REDIC1: variants seen among roughly 807,000 people sequenced by gnomAD.
REDIC1 encodes the protein HEI10 Interacting Protein 1.
chr12:39,712,997 GTATATGTA>G, the REDIC1 span, among the ~76,000 whole-genome samples: 4 of 139,324 alleles, frequency 2.9e-5, no homozygotes, highest in African/African-American at 8.2e-5. Context: ...GTATATACGT[GTATATGTA>G]TATATACATG....
chr12:39,764,184 C>G, the REDIC1 span, among the ~76,000 whole-genome samples: 7 of 151,942 alleles, frequency 4.6e-5, no homozygotes, highest in Admixed American at 2.6e-4. Flanking sequence ...AGACTTCCAC[C>G]TGGGGAGATA....
chr12:39,837,165 G>A, the REDIC1 span, among the ~76,000 whole-genome samples: 157 of 134,400 alleles, frequency 1.2e-3, 2 homozygotes, highest in African/African-American at 4.3e-3. Context: ...GAACAGAACA[G>A]AGCCCTCAGA....
At chr12:39,895,873 CAT>C in the REDIC1 span, among the ~76,000 whole-genome samples, 1 of 69,926 alleles carries the variant, frequency 1.4e-5, no homozygotes, top group East Asian at 1.5e-3. Flanking sequence ...TATGCACACA[CAT>C]ATGTATATGC....
chr12:39,750,593 C>G, the REDIC1 span, among the ~76,000 whole-genome samples: 2 of 152,108 alleles, frequency 1.3e-5, no homozygotes, highest in African/African-American at 4.8e-5. Flanking sequence ...AAAAAGAGCC[C>G]GCATTGCCAA....
chr12:39,850,181 T>C, the REDIC1 span, among the ~76,000 whole-genome samples: 1 of 152,160 alleles, frequency 6.6e-6, no homozygotes, highest in African/African-American at 2.4e-5. Context: ...GATTTGTCCA[T>C]AAGTAGCTAC....
the REDIC1 span, among the ~76,000 whole-genome samples, chr12:39,696,166 G>A: frequency 6.6e-6 from 1 of 152,022 alleles, no homozygotes; most frequent in African/African-American, 2.4e-5. Context: ...GCAATAAATA[G>A]CTAACTCTTC....
chr12:39,731,842 T>TC, the REDIC1 span, among the ~76,000 whole-genome samples: 1 of 151,702 alleles, frequency 6.6e-6, no homozygotes, highest in African/African-American at 2.4e-5. Context: ...TTTTTTTTTT[T>TC]TTGTTCAATT....
chr12:39,838,054 T>C, the REDIC1 span, among the ~76,000 whole-genome samples: 103,213 of 146,972 alleles, frequency 0.7, 37,153 homozygotes, highest in African/African-American at 0.85. Context: ...ATATTTATTG[T>C]GGCATTATTC....
the REDIC1 span, among the ~76,000 whole-genome samples, chr12:39,728,781 T>TG: frequency 1.4e-4 from 1 of 7,398 alleles, no homozygotes; most frequent in South Asian, 2.6e-3. Context: ...GGTCCTGGGC[T>TG]TTTTTTTTTT....
At chr12:39,750,458 A>G in the REDIC1 span, among the ~76,000 whole-genome samples, 1 of 152,234 alleles carries the variant, frequency 6.6e-6, no homozygotes, top group Admixed American at 6.5e-5. Context: ...GATAGGAAGA[A>G]TCTATATTGT....
At chr12:39,676,206 C>A in the REDIC1 span, among the ~76,000 whole-genome samples, 3,033 of 150,084 alleles carry the variant, frequency 0.02, 38 homozygotes, top group South Asian at 0.03. Flanking sequence ...AAAAAAAAAA[C>A]CAGATATGGA....
chr12:39,823,505 C>T, the REDIC1 span, among the ~76,000 whole-genome samples: 1 of 152,128 alleles, frequency 6.6e-6, no homozygotes, highest in Admixed American at 6.5e-5. Flanking sequence ...TTTTGTAATA[C>T]ATTTGGTCTT....
the REDIC1 span, among the ~76,000 whole-genome samples, chr12:39,652,646 A>G: frequency 6.6e-6 from 1 of 152,162 alleles, no homozygotes; most frequent in Non-Finnish European, 1.5e-5. Flanking sequence ...GTCAAAACCA[A>G]CAAATCTTTG....
the REDIC1 span, among the ~76,000 whole-genome samples, chr12:39,719,644 G>T: frequency 6.6e-6 from 1 of 152,014 alleles, no homozygotes; most frequent in Non-Finnish European, 1.5e-5. Flanking sequence ...CCAATAACAT[G>T]TTATCAACAC....
chr12:39,714,093 ACATGTATATACGTATG>A, the REDIC1 span, among the ~76,000 whole-genome samples: 2 of 150,240 alleles, frequency 1.3e-5, no homozygotes, highest in African/African-American at 2.4e-5. Flanking sequence ...ACATATATGT[ACATGTATATACGTATG>A]TATACGTGTA....
chr12:39,901,036 A>C, the REDIC1 span, among the ~76,000 whole-genome samples: 7 of 152,166 alleles, frequency 4.6e-5, no homozygotes, highest in African/African-American at 1.7e-4. Flanking sequence ...ATAACACTGC[A>C]TATCTACAAC....
chr12:39,700,543 T>A, the REDIC1 span, among the ~76,000 whole-genome samples: 1 of 151,500 alleles, frequency 6.6e-6, no homozygotes, highest in Non-Finnish European at 1.5e-5. Flanking sequence ...CTTCCCAATC[T>A]AGCAAGGCAG....
chr12:39,678,490 G>A, the REDIC1 span, among the ~76,000 whole-genome samples: 1 of 151,768 alleles, frequency 6.6e-6, no homozygotes, highest in Non-Finnish European at 1.5e-5. Context: ...ATGGATTCAC[G>A]CTGAATTTTA....
the REDIC1 span, among the ~76,000 whole-genome samples, chr12:39,817,099 C>A: frequency 6.6e-6 from 1 of 151,988 alleles, no homozygotes; most frequent in Non-Finnish European, 1.5e-5. Context: ...AGCAAAAACA[C>A]AGAGAACATC....
Sources: allele counts gnomAD v4.1 joint callset (sites outside exome capture counted in the v4.1 genomes callset), GRCh38; gene constraint gnomAD v4.1.1; transcripts MANE v1.5; gene names NCBI Gene and HGNC (gene_info 2026-07-23, HGNC 2026-07-21).